HS3ST4: variants seen among roughly 807,000 people sequenced by gnomAD.
HS3ST4 encodes the protein heparan sulfate glucosamine 3-O-sulfotransferase 4.
In HS3ST4, 17 loss-of-function variants were observed where a neutral mutation model predicts 29.2. The ratio of observed to expected loss-of-function variants is 0.58; its 90% CI spans 0.40 to 0.87. The LOEUF (loss-of-function observed/expected upper bound fraction) is 0.87, where lower values mean the gene tolerates loss of function less well. Among genes scored for constraint, HS3ST4 ranks in the 40% least tolerant of loss-of-function variants. The pLI is 0.00. For missense variants in HS3ST4, 627 were observed against 634.5 expected, an observed-to-expected ratio of 0.99 and a Z score of 0.13; for synonymous variants, 314 against 285.7, an observed-to-expected ratio of 1.10 and a Z score of -1.00.
intron 1 of HS3ST4, among the ~76,000 whole-genome samples, chr16:25,970,919 C>T (rs1275295755): frequency 4.6e-5 from 7 of 151,998 alleles, no homozygotes; most frequent in African/African-American, 7.3e-5. Context: ...GGCGTGATCT[C>T]GGCTCACTGC....
At chr16:25,861,193 G>A (rs1194195456) in intron 1 of HS3ST4, among the ~76,000 whole-genome samples, 1 of 152,164 alleles carries the variant, frequency 6.6e-6, no homozygotes, top group Non-Finnish European at 1.5e-5. Flanking sequence ...CATCTTCCTA[G>A]TGTCAGTCAC....
intron 1 of HS3ST4, among the ~76,000 whole-genome samples, chr16:25,957,107 G>A (rs1030064452): frequency 6.6e-6 from 1 of 152,048 alleles, no homozygotes; most frequent in South Asian, 2.1e-4. Flanking sequence ...CCCAAAGAGA[G>A]TGGTGAAGGC....
intron 1 of HS3ST4, among the ~76,000 whole-genome samples, chr16:25,858,708 T>C (rs1292578848): frequency 6.6e-6 from 1 of 152,194 alleles, no homozygotes; most frequent in Non-Finnish European, 1.5e-5. Context: ...TTTCTACCTC[T>C]TCTTGAGTCA....
intron 1 of HS3ST4, among the ~76,000 whole-genome samples, chr16:25,931,546 A>G (rs12934892): frequency 0.34 from 52,241 of 152,160 alleles, 9,320 homozygotes; most frequent in Admixed American, 0.43. Flanking sequence ...AAGCAAAAGC[A>G]CCTTCAATGG....
chr16:25,854,329 G>T (rs1162742948), intron 1 of HS3ST4, among the ~76,000 whole-genome samples: 5 of 152,106 alleles, frequency 3.3e-5, no homozygotes, highest in Non-Finnish European at 5.9e-5. Flanking sequence ...CATTGTCATG[G>T]CATTTGTAAA....
chr16:26,001,876 A>C (rs1463451860), intron 1 of HS3ST4, among the ~76,000 whole-genome samples: 1 of 152,156 alleles, frequency 6.6e-6, no homozygotes, highest in East Asian at 1.9e-4. Flanking sequence ...GTATTGCAAT[A>C]GCTCAACCAA....
At chr16:25,883,446 G>A (rs543943844) in intron 1 of HS3ST4, among the ~76,000 whole-genome samples, 2 of 152,110 alleles carry the variant, frequency 1.3e-5, no homozygotes, top group South Asian at 4.2e-4. Context: ...CTGTTGACGG[G>A]GTAGCAGGAA....
intron 1 of HS3ST4, among the ~76,000 whole-genome samples, chr16:26,057,273 A>C (rs1284494567): frequency 6.6e-6 from 1 of 152,220 alleles, no homozygotes; most frequent in African/African-American, 2.4e-5. Context: ...ATCCAAGCTT[A>C]TCCAAGATTC....
intron 1 of HS3ST4, among the ~76,000 whole-genome samples, chr16:25,987,350 A>C (rs76849171): frequency 2.5e-4 from 33 of 131,726 alleles, no homozygotes; most frequent in Non-Finnish European, 4.6e-4. Flanking sequence ...ACTCCAACTC[A>C]AAAAAAAAAA....
At chr16:25,919,372 A>G (rs1419869972) in intron 1 of HS3ST4, among the ~76,000 whole-genome samples, 2 of 152,174 alleles carry the variant, frequency 1.3e-5, no homozygotes, top group African/African-American at 4.8e-5. Flanking sequence ...ACAAAGTAGA[A>G]AAGATAGGAC....
At chr16:25,965,409 A>G (rs1968833671) in intron 1 of HS3ST4, among the ~76,000 whole-genome samples, 1 of 152,088 alleles carries the variant, frequency 6.6e-6, no homozygotes, top group Non-Finnish European at 1.5e-5. Context: ...CAAAAAAAAA[A>G]AAAAAAGTTC....
chr16:25,797,901 G>A (rs533387314), intron 1 of HS3ST4, among the ~76,000 whole-genome samples: 1 of 152,312 alleles, frequency 6.6e-6, no homozygotes, highest in East Asian at 1.9e-4. Flanking sequence ...GGCTGTGTGT[G>A]AAGGCTGGCT....
chr16:26,134,695 G>C (rs1357488677), intron 1 of HS3ST4, among the ~76,000 whole-genome samples: 6 of 152,132 alleles, frequency 3.9e-5, no homozygotes, highest in African/African-American at 1.2e-4. Context: ...AATTCAATTT[G>C]CTGAGGTCAC....
chr16:25,829,337 A>C (rs1052773822), intron 1 of HS3ST4, among the ~76,000 whole-genome samples: 3 of 152,216 alleles, frequency 2.0e-5, no homozygotes, highest in African/African-American at 7.2e-5. Context: ...AAATCACTTC[A>C]TTTCTATCAG....
At chr16:25,876,743 C>G (rs1967837035) in intron 1 of HS3ST4, among the ~76,000 whole-genome samples, 1 of 152,006 alleles carries the variant, frequency 6.6e-6, no homozygotes, top group Non-Finnish European at 1.5e-5. Flanking sequence ...GAACCCTGGG[C>G]TGGAGACTAC....
chr16:25,904,113 TG>T (rs1968151800), intron 1 of HS3ST4, among the ~76,000 whole-genome samples: 1 of 95,434 alleles, frequency 1.0e-5, no homozygotes, highest in Non-Finnish European at 2.2e-5. Context: ...GATGAATGGA[TG>T]GATGGATGGA....
intron 1 of HS3ST4, among the ~76,000 whole-genome samples, chr16:25,817,323 G>A (rs1454646330): frequency 6.6e-6 from 1 of 152,180 alleles, no homozygotes; most frequent in Non-Finnish European, 1.5e-5. Flanking sequence ...AAGATTCTTG[G>A]ACAGACTAGT....
chr16:25,807,366 A>G (rs962722416), intron 1 of HS3ST4, among the ~76,000 whole-genome samples: 2 of 152,242 alleles, frequency 1.3e-5, no homozygotes, highest in Non-Finnish European at 2.9e-5. Flanking sequence ...TTCAATTTCT[A>G]TAATTTTGCC....
intron 1 of HS3ST4, among the ~76,000 whole-genome samples, chr16:25,706,464 A>C (rs972024270): frequency 1.3e-5 from 2 of 152,086 alleles, no homozygotes; most frequent in African/African-American, 4.8e-5. Context: ...TGCTGCACCT[A>C]TCAACCCGTC....
Sources: gnomAD v4.1 joint callset for allele counts (sites outside exome capture counted in the v4.1 genomes callset) on GRCh38, gnomAD v4.1.1 for gene constraint, MANE v1.5 for transcripts, NCBI Gene and HGNC (gene_info 2026-07-23, HGNC 2026-07-21) for gene names.